Variants in CNTN6 observed in about 807,000 individuals in gnomAD.
CNTN6 encodes the protein contactin-6.
Under a neutral mutation model 122.8 loss-of-function variants are expected in CNTN6, and 137 were observed. The observed-to-expected ratio is 1.12, with a 90% confidence interval of 0.97 to 1.29. CNTN6 has a LOEUF of 1.29. CNTN6 is among the 50% of genes most tolerant of loss of function. The pLI is 0.00. For missense variants in CNTN6, 1,634 were observed against 1,223.4 expected (o/e 1.34, Z -5.01); for synonymous variants, 570 against 426.0 (o/e 1.34, Z -4.16).
chr3:1,326,592 TTTC>T (rs1701576271), intron 9 of CNTN6, among the ~76,000 whole-genome samples: 1 of 151,894 alleles, frequency 6.6e-6, no homozygotes, highest in African/African-American at 2.4e-5. Context: ...TAAAGCATAC[TTTC>T]TTCTACAATA....
Position 1,142,823 on chromosome 3 carries a change from A to G in CNTN6, c.-82-5104A>G, listed in dbSNP as rs145427233. On this transcript the variant is annotated intron_variant, in intron 1 of 22. Coordinates refer to ENST00000446702, the MANE Select transcript of CNTN6 (RefSeq NM_001289080.2). ...CCTGACCCTTGTTTTAGCCTTTAGA[A>G]AGGCAATGGGGTACGAATTCGTATG... Among the ~76,000 whole-genome samples, 242 of 152,012 alleles carry G rather than the reference A, an allele frequency of 1.6e-3. 1 individual carries two copies. The highest frequency in any genetic ancestry group is 5.7e-3 in the African/African-American group (235 of 41,478).
chr3:1,167,347 C>T lies in CNTN6; in HGVS notation c.55+19284C>T, dbSNP rs573822525. ...CTAGAGATCTTTACGGGAGGTCTTA[C>T]CTAGGTGTTACCTTCCTTTTCACCT... On this transcript the variant is annotated intron_variant, in intron 2 of 22. Coordinates refer to ENST00000446702, the MANE Select transcript of CNTN6 (RefSeq NM_001289080.2). 2.0e-5 allele frequency among the ~76,000 whole-genome samples: 3 copies of T among 152,250 alleles called. No homozygotes were observed. The South Asian group carries it at 6.2e-4, about 32-fold the overall frequency.
At chr3:1,155,799 C>G (rs538765686) in intron 2 of CNTN6, among the ~76,000 whole-genome samples, 11 of 152,298 alleles carry the variant, frequency 7.2e-5, no homozygotes, top group Admixed American at 5.9e-4. Context: ...GCCTCTCCCC[C>G]CAAGACATTT....
chr3:1,141,648 A>G (rs1158666502), intron 1 of CNTN6, among the ~76,000 whole-genome samples: 2 of 152,176 alleles, frequency 1.3e-5, no homozygotes, highest in African/African-American at 4.8e-5. Context: ...GGATTTCCAT[A>G]AACAGTATGT....
intron 2 of CNTN6, among the ~76,000 whole-genome samples, chr3:1,170,429 A>G (rs1439589254): frequency 2.0e-5 from 3 of 152,114 alleles, no homozygotes; most frequent in Admixed American, 1.3e-4. Flanking sequence ...ACCCGTTGAA[A>G]ATCGAGTGTC....
At chr3:1,236,017 G>A (rs578053453) in intron 4 of CNTN6, among the ~76,000 whole-genome samples, 39 of 152,060 alleles carry the variant, frequency 2.6e-4, no homozygotes, top group African/African-American at 9.4e-4. Context: ...TAACTCCATC[G>A]GACTGGGAAC....
intron 7 of CNTN6, among the ~76,000 whole-genome samples, chr3:1,309,923 A>C (rs1212990167): frequency 2.0e-5 from 3 of 152,314 alleles, no homozygotes; most frequent in South Asian, 4.1e-4. Flanking sequence ...GTGGAATTCA[A>C]ATTCCATTTG....
chr3:1,206,609 C>A (rs1275268298), intron 2 of CNTN6, among the ~76,000 whole-genome samples: 1 of 152,146 alleles, frequency 6.6e-6, no homozygotes, highest in Non-Finnish European at 1.5e-5. Flanking sequence ...GTAGTACAAA[C>A]CTATTTCTCT....
At chr3:1,264,506 G>T (rs2094896495) in intron 4 of CNTN6, among the ~76,000 whole-genome samples, 1 of 152,122 alleles carries the variant, frequency 6.6e-6, no homozygotes, top group South Asian at 2.1e-4. Context: ...AAAAGTTCCA[G>T]TTTCAGCTTT....
In CNTN6 at chr3:1,390,793, C is replaced by G. The variant is rs564731078; in HGVS notation, c.2704+4996C>G. The stretch of plus-strand genomic sequence containing the variant: ...CTACAAACACCTCTATGCAAAGAAA[C>G]TAGAAAATCTAGAAGAAATGGATAA... On this transcript the variant is annotated intron_variant, in intron 20 of 22. Transcript: ENST00000446702. Among the ~76,000 whole-genome samples, 549 of 151,520 alleles carry G rather than the reference C, an allele frequency of 3.6e-3. 3 individuals carry two copies. The highest frequency in any genetic ancestry group is 0.012 in the African/African-American group (512 of 41,350).
chr3:1,394,770 G>C (rs1011650791), intron 20 of CNTN6, among the ~76,000 whole-genome samples: 1 of 152,094 alleles, frequency 6.6e-6, no homozygotes, highest in East Asian at 1.9e-4. Flanking sequence ...TCCTACAAAT[G>C]GGTTGGACAG....
At chr3:1,133,230 A>AGTAG in intron 1 of CNTN6, among the ~76,000 whole-genome samples, 1 of 152,302 alleles carries the variant, frequency 6.6e-6, no homozygotes, top group African/African-American at 2.4e-5. Context: ...AATCTTGACA[A>AGTAG]TGATAAAAAT....
intron 4 of CNTN6, among the ~76,000 whole-genome samples, chr3:1,269,642 A>G (rs1575494291): frequency 6.6e-6 from 1 of 152,220 alleles, no homozygotes; most frequent in African/African-American, 2.4e-5. Context: ...CCAGTCTGAC[A>G]TGTATATTAT....
chr3:1,262,320 A>T (rs1477417779), intron 4 of CNTN6, among the ~76,000 whole-genome samples: 1 of 152,140 alleles, frequency 6.6e-6, no homozygotes, highest in African/African-American at 2.4e-5. Flanking sequence ...AAAAACAAGG[A>T]GACTGATCAG....
At chr3:1,388,200 T>G (rs59151782) in intron 20 of CNTN6, among the ~76,000 whole-genome samples, 3 of 146,874 alleles carry the variant, frequency 2.0e-5, no homozygotes, top group Non-Finnish European at 3.0e-5. Flanking sequence ...TCTCCCAGCA[T>G]GCAGCTGGAG....
At chr3:1,356,834 T>C (rs947605022) in intron 12 of CNTN6, among the ~76,000 whole-genome samples, 1 of 151,838 alleles carries the variant, frequency 6.6e-6, no homozygotes, top group Non-Finnish European at 1.5e-5. Flanking sequence ...TAAGGAGTTA[T>C]TATACTGGTC....
chr3:1,094,387 T>A (rs1289473840), intron 1 of CNTN6, among the ~76,000 whole-genome samples: 1 of 152,176 alleles, frequency 6.6e-6, no homozygotes, highest in Non-Finnish European at 1.5e-5. Flanking sequence ...TCATCTTTGA[T>A]GTTTCAGTGG....
In CNTN6 at chr3:1,373,038, C is replaced by A. The variant is rs1263103907; in HGVS notation, c.1786+83C>A. 49 of 775,536 alleles carry A rather than the reference C, an allele frequency of 6.3e-5. 1 individual carries two copies. The South Asian group carries it at 8.2e-4, about 13-fold the overall frequency. The allele number at this position is 775,536 out of a possible 1,614,324, so 48.0% of individuals were successfully genotyped here. On this transcript the variant is annotated intron_variant, in intron 14 of 22. Transcript: ENST00000446702. ...ATCTAAATTGTAGACCTCTGAGAAA[C>A]CACACCATGTTATGGAAGTGAGATG... is the stretch of plus-strand genomic sequence containing the variant.
intron 4 of CNTN6, among the ~76,000 whole-genome samples, chr3:1,268,759 C>A (rs1189143002): frequency 6.6e-6 from 1 of 151,936 alleles, no homozygotes; most frequent in Non-Finnish European, 1.5e-5. Context: ...CTGACTCAGT[C>A]TTCAAGAAAA....
Sources: gnomAD v4.1 joint callset for allele counts (sites outside exome capture counted in the v4.1 genomes callset) on GRCh38, gnomAD v4.1.1 for gene constraint, MANE v1.5 for transcripts, NCBI Gene and HGNC (gene_info 2026-07-23, HGNC 2026-07-21) for gene names.